TMTC2: variants seen among roughly 807,000 people sequenced by gnomAD.
TMTC2 encodes the protein transmembrane O-mannosyltransferase targeting cadherins 2.
In TMTC2, 43 loss-of-function variants were observed where a neutral mutation model predicts 82.4. The observed-to-expected ratio is 0.52, with a 90% CI of 0.41 to 0.67. TMTC2 has a LOEUF of 0.67. Among genes scored for constraint, TMTC2 ranks in the 30% least tolerant of loss-of-function variants. The pLI is 0.00. For synonymous variants in TMTC2, 408 were observed against 381.9 expected (o/e 1.07, Z -0.80); for missense variants, 919 against 1,012.4 (o/e 0.91, Z 1.25).
chr12:83,109,203 T>G (rs79230498), intron 11 of TMTC2, among the ~76,000 whole-genome samples: 5,521 of 152,278 alleles, frequency 0.036, 161 homozygotes, highest in Non-Finnish European at 0.053. Flanking sequence ...CATGTTGGCA[T>G]CTGCTCAGCT....
intron 3 of TMTC2, among the ~76,000 whole-genome samples, chr12:82,910,156 CAAG>C (rs1271067373): frequency 6.6e-6 from 1 of 152,062 alleles, no homozygotes; most frequent in Non-Finnish European, 1.5e-5. Context: ...AGATAAGTCT[CAAG>C]AAGTTATGGA....
intron 8 of TMTC2, among the ~76,000 whole-genome samples, chr12:82,995,507 G>T (rs557807041): frequency 6.6e-6 from 1 of 152,074 alleles, no homozygotes; most frequent in Non-Finnish European, 1.5e-5. Context: ...TACATTTGAG[G>T]CTCATGAGGC....
intron 1 of TMTC2, among the ~76,000 whole-genome samples, chr12:82,761,796 C>T (rs189128332): frequency 4.6e-5 from 7 of 152,166 alleles, no homozygotes; most frequent in Admixed American, 2.0e-4. Flanking sequence ...TTAAACAGAC[C>T]CTTAGAAATC....
intron 11 of TMTC2, among the ~76,000 whole-genome samples, chr12:83,077,251 A>G (rs542830047): frequency 1.3e-5 from 2 of 152,216 alleles, no homozygotes; most frequent in South Asian, 2.1e-4. Flanking sequence ...GCCATAAGAC[A>G]CTCATGGGAG....
At chr12:82,943,709 T>A (rs1201350295) in intron 4 of TMTC2, among the ~76,000 whole-genome samples, 1 of 152,208 alleles carries the variant, frequency 6.6e-6, no homozygotes, top group Non-Finnish European at 1.5e-5. Context: ...CAGTCAAGAC[T>A]GATTATGTCT....
intron 1 of TMTC2, among the ~76,000 whole-genome samples, chr12:82,787,743 T>C (rs1878250511): frequency 6.6e-6 from 1 of 152,088 alleles, no homozygotes; most frequent in African/African-American, 2.4e-5. Flanking sequence ...ACCCCGTCTT[T>C]ACTAAAAATA....
intron 10 of TMTC2, among the ~76,000 whole-genome samples, chr12:83,052,124 T>A (rs1882371834): frequency 6.6e-6 from 1 of 152,042 alleles, no homozygotes; most frequent in South Asian, 2.1e-4. Context: ...AGATTTATAA[T>A]TACATAGATT....
At chr12:83,106,364 T>G (rs948685186) in intron 11 of TMTC2, among the ~76,000 whole-genome samples, 4 of 151,990 alleles carry the variant, frequency 2.6e-5, no homozygotes. Context: ...CTGGGCGTGG[T>G]GGTGCATCCC....
intron 11 of TMTC2, among the ~76,000 whole-genome samples, chr12:83,095,422 A>G (rs2137525881): frequency 6.6e-6 from 1 of 151,876 alleles, no homozygotes; most frequent in African/African-American, 2.4e-5. Flanking sequence ...TTGTATTTTT[A>G]TTAGAGATGG....
At chr12:83,001,577 G>T (rs1384431611) in intron 8 of TMTC2, among the ~76,000 whole-genome samples, 1 of 149,932 alleles carries the variant, frequency 6.7e-6, no homozygotes, top group Non-Finnish European at 1.5e-5. Context: ...GGAGGTTGCC[G>T]TGAGCCGAGA....
chr12:82,752,098 C>T (rs1876037140), intron 1 of TMTC2, among the ~76,000 whole-genome samples: 1 of 151,290 alleles, frequency 6.6e-6, no homozygotes, highest in African/African-American at 2.4e-5. Context: ...ATACATTATC[C>T]CTCTCCCCCA....
intron 2 of TMTC2, among the ~76,000 whole-genome samples, chr12:82,891,450 A>G (rs986123593): frequency 5.9e-5 from 9 of 152,218 alleles, no homozygotes; most frequent in Admixed American, 4.6e-4. Context: ...CTGGGATTAC[A>G]GGCATGCGCC....
intron 4 of TMTC2, among the ~76,000 whole-genome samples, chr12:82,937,356 A>C (rs1179866497): frequency 6.6e-6 from 1 of 151,944 alleles, no homozygotes; most frequent in Non-Finnish European, 1.5e-5. Flanking sequence ...CTCTGACTTC[A>C]TTGTCACATG....
intron 8 of TMTC2, among the ~76,000 whole-genome samples, chr12:83,028,094 G>A (rs1433763407): frequency 6.6e-6 from 1 of 151,810 alleles, no homozygotes; most frequent in Non-Finnish European, 1.5e-5. Context: ...TGATGATTTT[G>A]TCAGATGACC....
chr12:82,934,339 C>T (rs1876201038), intron 4 of TMTC2, among the ~76,000 whole-genome samples: 1 of 152,274 alleles, frequency 6.6e-6, no homozygotes, highest in Non-Finnish European at 1.5e-5. Context: ...ATCAACCCGT[C>T]ATCTACATTA....
chr12:82,766,266 G>A (rs1008286687), intron 1 of TMTC2, among the ~76,000 whole-genome samples: 1 of 152,128 alleles, frequency 6.6e-6, no homozygotes, highest in Non-Finnish European at 1.5e-5. Flanking sequence ...AGGCTTCCTG[G>A]AACATAGCAA....
At chr12:82,984,580 G>T (rs1879074596) in intron 7 of TMTC2, among the ~76,000 whole-genome samples, 1 of 152,114 alleles carries the variant, frequency 6.6e-6, no homozygotes, top group South Asian at 2.1e-4. Context: ...AGAAAAAGCT[G>T]TCATGATTAT....
At chr12:83,094,581 T>A (rs1883959252) in intron 11 of TMTC2, among the ~76,000 whole-genome samples, 1 of 152,186 alleles carries the variant, frequency 6.6e-6, no homozygotes, top group South Asian at 2.1e-4. Context: ...GGACACGGGT[T>A]GGGCGAAGAA....
chr12:83,104,195 T>A (rs1884322197), intron 11 of TMTC2, among the ~76,000 whole-genome samples: 1 of 152,220 alleles, frequency 6.6e-6, no homozygotes, highest in African/African-American at 2.4e-5. Flanking sequence ...TGAGTACCTG[T>A]GCCTTTCTGA....
Sources: allele counts gnomAD v4.1 joint callset (sites outside exome capture counted in the v4.1 genomes callset), GRCh38; gene constraint gnomAD v4.1.1; transcripts MANE v1.5; gene names NCBI Gene and HGNC (gene_info 2026-07-23, HGNC 2026-07-21).